The following PHF24 variants were observed in gnomAD, a reference collection of about 807,000 sequenced individuals.
The protein encoded by PHF24 is Galpha inhibitory interacting protein.
PHF24 carries 25 observed loss-of-function variants against 42.6 expected under a neutral mutation model. The ratio of observed to expected loss-of-function variants is 0.59; its 90% CI spans 0.43 to 0.82. PHF24 has a LOEUF of 0.82. Ranked by LOEUF, PHF24 falls within the 40% of genes least tolerant of loss-of-function variation. PHF24 has a pLI of 0.00. For synonymous variants in PHF24, 185 were observed against 204.8 expected, an observed-to-expected ratio of 0.90 and a Z score of 0.83; for missense variants, 470 against 538.1, an observed-to-expected ratio of 0.87 and a Z score of 1.25.
exon 8 of PHF24, chr9:34,980,105 A>G (rs1429532230): frequency 2.0e-5 from 3 of 152,238 alleles, no homozygotes; most frequent in Non-Finnish European, 4.4e-5. Context: ...CATTTTGAGT[A>G]GAGACAAGCT....
chr9:34,740,013 T>C, the PHF24 span, among the ~76,000 whole-genome samples: 1 of 152,092 alleles, frequency 6.6e-6, no homozygotes, highest in East Asian at 1.9e-4. Context: ...AGAGTGTCGA[T>C]TGGTGCATTC....
the PHF24 span, chr9:34,832,449 C>T: frequency 2.1e-6 from 3 of 1,459,648 alleles, no homozygotes; most frequent in Non-Finnish European, 2.8e-6. Context: ...GAAAGCTGGG[C>T]CCATCAGCTT....
chr9:34,893,609 AAAAAGAAAAAAG>A, the PHF24 span, among the ~76,000 whole-genome samples: 1 of 151,934 alleles, frequency 6.6e-6, no homozygotes, highest in Non-Finnish European at 1.5e-5. Context: ...CTCAAAAAAA[AAAAAGAAAAAAG>A]AAAAGAAAAA....
chr9:34,830,966 C>T, the PHF24 span, among the ~76,000 whole-genome samples: 1 of 152,026 alleles, frequency 6.6e-6, no homozygotes. Flanking sequence ...TTGGACATTC[C>T]CAGAGAGAGG....
chr9:34,837,469 G>A, the PHF24 span: 1 of 559,902 alleles, frequency 1.8e-6, no homozygotes, highest in East Asian at 3.1e-5. Context: ...ATTCCCATGG[G>A]AATAATGTAG....
At chr9:34,735,724 G>A in the PHF24 span, among the ~76,000 whole-genome samples, 179 of 151,876 alleles carry the variant, frequency 1.2e-3, no homozygotes, top group Non-Finnish European at 2.0e-3. Context: ...GCTTGAATCC[G>A]GGTAGCGGAG....
chr9:34,787,807 G>A, the PHF24 span, among the ~76,000 whole-genome samples: 2 of 152,108 alleles, frequency 1.3e-5, no homozygotes, highest in African/African-American at 4.8e-5. Context: ...TTCCAGAAGC[G>A]ATGGCTCTCA....
the PHF24 span, among the ~76,000 whole-genome samples, chr9:34,778,665 A>T: frequency 6.6e-6 from 1 of 152,220 alleles, no homozygotes; most frequent in African/African-American, 2.4e-5. Flanking sequence ...TTTCAACAAT[A>T]ACTGTTAAAG....
At chr9:34,940,696 A>G in the PHF24 span, among the ~76,000 whole-genome samples, 1 of 152,210 alleles carries the variant, frequency 6.6e-6, no homozygotes, top group Non-Finnish European at 1.5e-5. Context: ...GAGTCTGGTA[A>G]TCATGCCGTT....
At chr9:34,714,425 A>G in the PHF24 span, among the ~76,000 whole-genome samples, 4 of 152,342 alleles carry the variant, frequency 2.6e-5, no homozygotes, top group East Asian at 1.9e-4. Flanking sequence ...TTCCGAAGTC[A>G]TATTATATTA....
At chr9:34,854,469 A>G in the PHF24 span, among the ~76,000 whole-genome samples, 2 of 151,860 alleles carry the variant, frequency 1.3e-5, no homozygotes, top group Admixed American at 6.6e-5. Context: ...ATTCTGGTAC[A>G]TTGTTTCTTT....
the PHF24 span, among the ~76,000 whole-genome samples, chr9:34,740,412 C>T: frequency 1.3e-5 from 2 of 152,242 alleles, no homozygotes; most frequent in Non-Finnish European, 2.9e-5. Context: ...GGCAAGAAAT[C>T]GAGCGCAGCG....
chr9:34,944,281 T>C, the PHF24 span, among the ~76,000 whole-genome samples: 84 of 152,354 alleles, frequency 5.5e-4, no homozygotes, highest in Admixed American at 4.1e-3. Context: ...TCTAGCCTGC[T>C]TGATGAAGCA....
chr9:34,800,627 G>A, the PHF24 span, among the ~76,000 whole-genome samples: 3 of 152,110 alleles, frequency 2.0e-5, no homozygotes, highest in Non-Finnish European at 4.4e-5. Flanking sequence ...GCAGAAAACC[G>A]AAACTGGACC....
chr9:34,905,932 A>C, the PHF24 span, among the ~76,000 whole-genome samples: 1 of 152,166 alleles, frequency 6.6e-6, no homozygotes, highest in Non-Finnish European at 1.5e-5. Flanking sequence ...TGAACTGTGG[A>C]GATGGGTCTT....
chr9:34,918,037 G>T, the PHF24 span: 1 of 1,295,178 alleles, frequency 7.7e-7, no homozygotes, highest in South Asian at 1.2e-5. Flanking sequence ...ATCTGTGCCT[G>T]TGATCCCAAA....
the PHF24 span, among the ~76,000 whole-genome samples, chr9:34,901,137 A>G: frequency 8.5e-5 from 13 of 152,218 alleles, no homozygotes; most frequent in African/African-American, 2.9e-4. Flanking sequence ...TTATGACCAT[A>G]TTTCTTCACT....
chr9:34,679,571 T>A, the PHF24 span, among the ~76,000 whole-genome samples: 1 of 152,102 alleles, frequency 6.6e-6, no homozygotes, highest in African/African-American at 2.4e-5. Flanking sequence ...AAAAATTAGC[T>A]GGGTGTGGTG....
intron 7 of PHF24, 69 bp downstream of exon 7, chr9:34,977,710 G>A (rs755037956): frequency 2.1e-5 from 28 of 1,323,036 alleles, no homozygotes; most frequent in Non-Finnish European, 2.8e-5. Flanking sequence ...AGTAAGAGAG[G>A]GCATTACCCA....
Sources: gnomAD v4.1 joint callset for allele counts (sites outside exome capture counted in the v4.1 genomes callset) on GRCh38, gnomAD v4.1.1 for gene constraint, MANE v1.5 for transcripts, NCBI Gene and HGNC (gene_info 2026-07-23, HGNC 2026-07-21) for gene names.